PSORS1C1: variants seen among roughly 807,000 people sequenced by gnomAD.
The protein encoded by PSORS1C1 is psoriasis susceptibility 1 candidate 1.
PSORS1C1 carries 7 observed loss-of-function variants against 9.4 expected under a neutral mutation model. The ratio of observed to expected loss-of-function variants is 0.75; its 90% CI spans 0.42 to 1.40. PSORS1C1 has a LOEUF of 1.40. Among genes scored for constraint, PSORS1C1 ranks in the 40% most tolerant of loss-of-function variants. The pLI, the probability that PSORS1C1 is intolerant of heterozygous loss-of-function variation, is 0.01. For synonymous variants in PSORS1C1, 63 were observed against 69.4 expected, an observed-to-expected ratio of 0.91 and a Z score of 0.46; for missense variants, 146 against 178.1, an observed-to-expected ratio of 0.82 and a Z score of 1.02.
At chr6:31,116,486 C>A in intron 1 of PSORS1C1, 1 of 1,606,362 alleles carries the variant, frequency 6.2e-7, no homozygotes, top group Non-Finnish European at 8.5e-7. Context: ...CAGAGCTGGA[C>A]CCCACCAGTC....
rs995630946 is a variant in PSORS1C1 at position 31,128,023 on chromosome 6, C to T, written c.-64-1546C>T. Among the ~76,000 whole-genome samples, 2 of 152,162 alleles carry T rather than the reference C, an allele frequency of 1.3e-5. No individual in the cohort carries two copies. Among genetic ancestry groups the T allele is most frequent in the Non-Finnish European group, 2.9e-5 (2 of 68,026 alleles). On this transcript the variant is annotated intron_variant, in intron 2 of 5. Transcript: ENST00000259881. This position sits in a 1 kb window ranked among gnomAD's most constrained non-coding sequence, Gnocchi z 4.3. ...GGCTGTGGTATCCTCTCCTGTAGAC[C>T]GCTGGCTCATGAAATAATCAGGGAG...
At chr6:31,121,421 G>A (rs1772456917) in intron 1 of PSORS1C1, among the ~76,000 whole-genome samples, 1 of 152,210 alleles carries the variant, frequency 6.6e-6, no homozygotes, top group Admixed American at 6.5e-5. Context: ...GTCGAGGAGG[G>A]CCAGGCAGGC....
chr6:31,114,968 G>T, intron 1 of PSORS1C1, 77 bp downstream of exon 1: 1 of 446,850 alleles, frequency 2.2e-6, no homozygotes, highest in Non-Finnish European at 4.5e-6. Context: ...AAACACTGAG[G>T]GCCCTAAATA....
rs1430524685 is a variant in PSORS1C1 at position 31,139,720 on chromosome 6, A to G, written c.247A>G (p.Thr83Ala). The G allele has an allele frequency of 6.2e-7, 1 of 1,613,092 alleles. No homozygotes were observed. Among genetic ancestry groups the G allele is most frequent in the South Asian group, 1.1e-5 (1 of 91,088 alleles). ...CCAGGATGACTGCAGAAAAGGAAGG[A>G]CACAGGAGGATATCCTGGTTCCCTC... ...ATQDDCRKGRTQEDILVPSSH... is the reference protein window; with the variant it reads ...ATQDDCRKGRAQEDILVPSSH... The change falls in exon 6 of 6, where the codon ACA (threonine) becomes GCA (alanine). Residue 83 changes from threonine to alanine, a missense_variant. Coordinates refer to ENST00000259881, the MANE Select transcript of PSORS1C1 (RefSeq NM_014068.3). The surrounding 1 kb of genome is among the most constrained non-coding windows in gnomAD (Gnocchi z 5.2).
intron 1 of PSORS1C1, chr6:31,117,369 T>C: frequency 6.3e-7 from 1 of 1,576,020 alleles, no homozygotes; most frequent in African/African-American, 1.3e-5. Flanking sequence ...CACCAGAGCT[T>C]CTGGCACTGG....
chr6:31,134,396 A>C (rs1157603813), intron 3 of PSORS1C1, among the ~76,000 whole-genome samples: 1 of 149,926 alleles, frequency 6.7e-6, no homozygotes, highest in Non-Finnish European at 1.5e-5. Flanking sequence ...TCCACCTCCC[A>C]GGTTCACGCC....
At position 31,131,597 on chromosome 6, in the gene PSORS1C1, CAAA is replaced by C. The variant is rs9281219; in HGVS notation, c.13+1973_13+1975del. Among the ~76,000 whole-genome samples, 66 of 78,376 alleles carry C rather than the reference CAAA, an allele frequency of 8.4e-4. No individual in the cohort carries two copies. The East Asian group carries it at 0.013, about 15-fold the overall frequency. The allele number at this position is 78,376 out of a possible 152,430, so 51.4% of individuals were successfully genotyped here. A position where few individuals can be genotyped will look rare whatever the true frequency, so the allele number is the denominator to read the frequency against. On this transcript the variant is annotated intron_variant, in intron 3 of 5. Coordinates refer to ENST00000259881, the MANE Select transcript of PSORS1C1 (RefSeq NM_014068.3). ...GGGTGAAAAGAGCAAGACTCCGTCT[CAAA>C]AAAAAAAAAAAAAAAAAAAAGAGCT...
chr6:31,133,961 G>A (rs551032017), intron 3 of PSORS1C1, among the ~76,000 whole-genome samples: 2 of 151,922 alleles, frequency 1.3e-5, no homozygotes, highest in African/African-American at 4.8e-5. Flanking sequence ...TGTTTCATTC[G>A]GACCACATGT....
chr6:31,126,590 C>G (rs1484983096), intron 2 of PSORS1C1, among the ~76,000 whole-genome samples: 1 of 152,190 alleles, frequency 6.6e-6, no homozygotes. Context: ...GGTCAGCCCC[C>G]ACTTTCCACT....
chr6:31,126,915 G>C (rs1385147143), intron 2 of PSORS1C1, among the ~76,000 whole-genome samples: 2 of 152,224 alleles, frequency 1.3e-5, no homozygotes, highest in African/African-American at 4.8e-5. Context: ...TATCTTGCGA[G>C]GAGGGAGGCA....
rs3094217 is a variant in PSORS1C1 at position 31,115,879 on chromosome 6, G to C, written c.-229+988G>C. ...GTGATAAGAGAGAGTCTGCAACCTT[G>C]GGGTAGTGGAGAAAGCAGAACCACT... On this transcript the variant is annotated intron_variant, in intron 1 of 5. Coordinates refer to ENST00000259881, the MANE Select transcript of PSORS1C1 (RefSeq NM_014068.3). This position sits in a 1 kb window ranked among gnomAD's most constrained non-coding sequence, Gnocchi z 4.2. 1.5e-6 allele frequency: 1 copy of C among 679,388 alleles called. No homozygotes were observed. Among genetic ancestry groups the C allele is most frequent in the Non-Finnish European group, 2.6e-6 (1 of 382,096 alleles). 42.1% of individuals were successfully genotyped at this position (679,388 alleles called of 1,614,324 possible). A position where few individuals can be genotyped will look rare whatever the true frequency, so the allele number is the denominator to read the frequency against.
At chr6:31,129,676 T>A (rs3130560) in intron 3 of PSORS1C1, 31 bp downstream of exon 3, 9 of 779,346 alleles carry the variant, frequency 1.2e-5, no homozygotes, top group South Asian at 2.7e-5. Flanking sequence ...TTGGTTCCTC[T>A]TCTGTGAAAT....
rs773700990 is a variant in PSORS1C1 at position 31,138,504 on chromosome 6, CT to C, written c.43+46del. On this transcript the variant is annotated intron_variant, in intron 4 of 5. Transcript: ENST00000259881. ...ACTGATGGTAAAATGTCATGAACCC[CT>C]ACCCCCGATGGATCTGAACCGTTCA... 19 of 1,609,504 alleles carry C rather than the reference CT, an allele frequency of 1.2e-5. 1 individual carries two copies. The South Asian group carries it at 2.0e-4, about 17-fold the overall frequency.
At chr6:31,119,733 A>G (rs550731606) in intron 1 of PSORS1C1, among the ~76,000 whole-genome samples, 1 of 140,422 alleles carries the variant, frequency 7.1e-6, no homozygotes, top group Non-Finnish European at 1.6e-5. Flanking sequence ...CCCTGTTTCT[A>G]CTAAAAATAC....
chr6:31,126,667 C>T (rs141481428), intron 2 of PSORS1C1, among the ~76,000 whole-genome samples: 214 of 152,356 alleles, frequency 1.4e-3, no homozygotes, highest in African/African-American at 4.3e-3. Flanking sequence ...GGCACTGCAG[C>T]CGGCACTTGG....
intron 1 of PSORS1C1, chr6:31,117,219 G>C: frequency 6.2e-7 from 1 of 1,613,844 alleles, no homozygotes. Context: ...TCCCCAGCTG[G>C]GAGGAACCGG....
intron 3 of PSORS1C1, among the ~76,000 whole-genome samples, chr6:31,130,105 T>A (rs28360045): frequency 6.6e-6 from 1 of 150,570 alleles, no homozygotes; most frequent in Admixed American, 6.6e-5. Context: ...AAATAAAAAA[T>A]TAATTAATTA....
chr6:31,125,920 C>T (rs1772661326), intron 2 of PSORS1C1, 81 bp downstream of exon 2: 2 of 152,292 alleles, frequency 1.3e-5, no homozygotes, highest in Non-Finnish European at 2.9e-5. Context: ...AGAATGTGTC[C>T]AGGCTGTGCT....
At chr6:31,122,302 G>A (rs1255542902) in intron 1 of PSORS1C1, among the ~76,000 whole-genome samples, 2 of 152,212 alleles carry the variant, frequency 1.3e-5, no homozygotes, top group Non-Finnish European at 2.9e-5. Flanking sequence ...ATGGAGCCCT[G>A]CAGGTGCTCC....
Sources: gnomAD v4.1 joint callset for allele counts (sites outside exome capture counted in the v4.1 genomes callset) on GRCh38, gnomAD v4.1.1 for gene constraint, Gnocchi (gnomAD v3.1) non-coding constraint, MANE v1.5 for transcripts, NCBI Gene and HGNC (gene_info 2026-07-23, HGNC 2026-07-21) for gene names.